The following MUC4 variants were observed in gnomAD, a reference collection of about 807,000 sequenced individuals.
MUC4 encodes mucin 4, cell surface associated.
In MUC4, 202 loss-of-function variants were observed where a neutral mutation model predicts 257.9. The observed-to-expected ratio is 0.78, with a 90% confidence interval of 0.70 to 0.88. The LOEUF (loss-of-function observed/expected upper bound fraction) is 0.88. Ranked by LOEUF, MUC4 falls within the 40% of genes least tolerant of loss-of-function variation. The pLI, the probability that MUC4 is intolerant of heterozygous loss-of-function variation, is 0.00. For missense variants in MUC4, 5,976 were observed against 6,513.7 expected, an observed-to-expected ratio of 0.92 and a Z score of 2.84; for synonymous variants, 2,351 against 2,757.1, an observed-to-expected ratio of 0.85 and a Z score of 4.62.
chr3:195,794,379 GAGAGAGAGAGAGAAGAA>G (rs1560409486), intron 1 of MUC4, among the ~76,000 whole-genome samples: 3 of 150,020 alleles, frequency 2.0e-5, no homozygotes, highest in Admixed American at 6.6e-5. Context: ...TATATAGAGA[GAGAGAGAGAGAGAAGAA>G]AGAGAGAGAG....
intron 13 of MUC4, 35 bp from the exon 14 acceptor site, chr3:195,762,289 G>A: frequency 6.5e-7 from 1 of 1,542,784 alleles, no homozygotes; most frequent in Non-Finnish European, 8.8e-7. Flanking sequence ...AGGAAGCCAG[G>A]TCGGCACCAC....
intron 3 of MUC4, 148 bp downstream of exon 3, chr3:195,778,155 G>T: frequency 1.9e-6 from 2 of 1,079,094 alleles, no homozygotes; most frequent in South Asian, 1.8e-5. Context: ...CACAAAGCCA[G>T]CCCTCAGGAG....
Position 195,769,151 on chromosome 3 carries a change from C to T in MUC4, c.13400G>A (p.Ser4467Asn). 1.2e-6 allele frequency: 2 copies of T among 1,613,980 alleles called. No homozygotes were observed. The highest frequency in any genetic ancestry group is 1.7e-6 in the Non-Finnish European group (2 of 1,179,952). Residue 4467 changes from serine (S) to asparagine (N), a missense_variant and splice_region_variant, in exon 7 of 25, where the codon AGC becomes AAC. This residue lies in a region of MUC4 where 996 missense variants were observed against 1,137.3 expected (regional missense o/e 0.88). Coordinates refer to ENST00000463781, the MANE Select transcript of MUC4 (RefSeq NM_018406.7). ...GGAGAGGATGGCTTGGTAGGTGTTG[C>T]TCTGGGGGTGGGTGGAAGAAAACAC... is the stretch of plus-strand genomic sequence containing the variant. ...HAYPAQWTLG[S>N]NTYQAILSTD...
rs1250495117 is a variant in MUC4, at chr3:195,781,290, A to T, written c.10290T>A (p.Thr3430=). The T allele has an allele frequency of 7.0e-7, 1 of 1,421,878 alleles. No individual in the cohort carries two copies. 88.1% of individuals were successfully genotyped at this position (1,421,878 alleles called of 1,614,324 possible). Residue 3430 remains threonine, a synonymous_variant, in exon 2 of 25, where the codon ACT becomes ACA. Transcript: ENST00000463781. Reference sequence around the variant, plus strand: ...TGGCGTGACCGGTGGATGCTGAGGAAGTGCTGGTGACAGGAAGAGGGGTGG... The same window carrying T: ...TGGCGTGACCGGTGGATGCTGAGGATGTGCTGGTGACAGGAAGAGGGGTGG... ...GHATPLPVTS[T]SSASTGHATP...
At chr3:195,771,045 G>A (rs534264047) in intron 5 of MUC4, among the ~76,000 whole-genome samples, 5 of 148,248 alleles carry the variant, frequency 3.4e-5, no homozygotes, top group South Asian at 4.3e-4. Flanking sequence ...GGTCAGTCTC[G>A]TGGTTGGGTT....
At position 195,747,022 on chromosome 3, in the gene MUC4, T is replaced by C; in HGVS notation, c.*154A>G. The stretch of plus-strand genomic sequence containing the variant: ...TGCACCTGCGCCTATGGATAAGGTA[T>C]AGTCTTGTCTTGATTCCCAGTATTC... On this transcript the variant is annotated 3_prime_UTR_variant, in exon 25 of 25. Coordinates refer to ENST00000463781, the MANE Select transcript of MUC4 (RefSeq NM_018406.7). 1.8e-6 allele frequency: 2 copies of C among 1,100,158 alleles called. No individual in the cohort carries two copies. The highest frequency in any genetic ancestry group is 2.6e-6 in the Non-Finnish European group (2 of 758,454). The allele number at this position is 1,100,158 out of a possible 1,614,324, so 68.1% of individuals were successfully genotyped here.
intron 7 of MUC4, among the ~76,000 whole-genome samples, chr3:195,767,849 GCCACCATCACCCCCAACACCA>G (rs1233210365): frequency 5.7e-5 from 3 of 52,872 alleles, no homozygotes; most frequent in African/African-American, 1.8e-4. Context: ...CACCACCATC[GCCACCATCACCCCCAACACCA>G]CCACCATCAC....
Position 195,748,992 on chromosome 3 carries a change from TGG to T in MUC4, c.15942_15943del (p.Gln5315GlufsTer11), listed in dbSNP as rs752464344. On this transcript the variant is annotated frameshift_variant, in exon 24 of 25. Transcript: ENST00000463781. LOFTEE classifies it high-confidence loss of function. The stretch of plus-strand genomic sequence containing the variant: ...CGGGGACACGCAGGTGAAGCCGCTC[TGG>T]GGGCTGTAGACCAGGTCGTAGCCCT... The T allele has an allele frequency of 1.2e-6, 2 of 1,610,082 alleles. No homozygotes were observed. The highest frequency in any genetic ancestry group is 2.2e-5 in the South Asian group (2 of 90,122).
intron 3 of MUC4, among the ~76,000 whole-genome samples, chr3:195,778,056 C>G (rs1348082530): frequency 6.6e-6 from 1 of 152,214 alleles, no homozygotes; most frequent in African/African-American, 2.4e-5. Flanking sequence ...GATGAGTCCT[C>G]TAACCGCCGC....
intron 20 of MUC4, 52 bp from the exon 21 acceptor site, chr3:195,752,498 A>G: frequency 6.5e-7 from 1 of 1,534,600 alleles, no homozygotes; most frequent in South Asian, 1.1e-5. Context: ...ACCCAGACTT[A>G]CCCAAAAAGT....
Position 195,784,972 on chromosome 3 carries a change from G to T in MUC4, c.6608C>A (p.Thr2203Lys). The T allele has an allele frequency of 1.6e-6, 2 of 1,280,034 alleles. No individual in the cohort carries two copies. Among genetic ancestry groups the T allele is most frequent in the Middle Eastern group, 2.0e-4 (1 of 5,118 alleles). 79.3% of individuals were successfully genotyped at this position (1,280,034 alleles called of 1,614,324 possible). Residue 2203 changes from threonine to lysine, a missense_variant, in exon 2 of 25, where the codon ACA becomes AAA. By Grantham distance (78) the Thr-to-Lys change is moderately conservative. This residue lies in a region of MUC4 where 85 missense variants were observed against 325.0 expected (regional missense o/e 0.26). Transcript: ENST00000463781. ...LPVTDTSSASTGQATPLPVTS... is the reference protein window; with the variant it reads ...LPVTDTSSASKGQATPLPVTS... ...GACAGGAAGAGGGGTGGCCTGACCTGTGGATGCTGAGGAAGTGTCGGTGAC... is the reference window on the plus strand; with the variant it reads ...GACAGGAAGAGGGGTGGCCTGACCTTTGGATGCTGAGGAAGTGTCGGTGAC...
chr3:195,770,345 G>T lies in MUC4; in HGVS notation c.13269C>A (p.His4423Gln). 1 of 1,613,974 alleles carries T rather than the reference G, an allele frequency of 6.2e-7. No individual in the cohort carries two copies. Among genetic ancestry groups the T allele is most frequent in the Non-Finnish European group, 8.5e-7 (1 of 1,179,980 alleles). Residue 4423 changes from histidine (H) to glutamine (Q), a missense_variant, in exon 6 of 25, where the codon CAC becomes CAA. His to Gln is a conservative substitution (Grantham distance 24). Around this residue, in one of 44 missense-constraint regions of MUC4, gnomAD observed 996 missense variants for 1,137.3 expected, o/e 0.88. Transcript: ENST00000463781. ...YQEYETFYGE[H>Q]SLLVQQAESW... is the part of the protein sequence containing the mutation. Reference sequence around the variant, plus strand: ...ACTCGGCCTGCTGGACTAGCAGGCTGTGTTCACCATAGAACGTCTCGTATT... The same window carrying T: ...ACTCGGCCTGCTGGACTAGCAGGCTTTGTTCACCATAGAACGTCTCGTATT...
intron 1 of MUC4, among the ~76,000 whole-genome samples, chr3:195,804,771 G>C (rs148418166): frequency 1.3e-5 from 2 of 152,376 alleles, no homozygotes; most frequent in African/African-American, 2.4e-5. Flanking sequence ...ACGCTGAACC[G>C]CTGGCCCCAC....
chr3:195,771,014 T>C (rs112600584), intron 5 of MUC4: 3,043 of 156,978 alleles, frequency 0.019, 40 homozygotes, highest in African/African-American at 0.079. Flanking sequence ...GTCAGTCTCG[T>C]GGTTGGGTTG....
chr3:195,760,193 A>AT (rs1481888586), intron 16 of MUC4, among the ~76,000 whole-genome samples: 1 of 152,242 alleles, frequency 6.6e-6, no homozygotes, highest in African/African-American at 2.4e-5. Flanking sequence ...TTGAGTAATT[A>AT]TAAATGCTAA....
intron 24 of MUC4, among the ~76,000 whole-genome samples, chr3:195,747,734 C>T (rs1715345610): frequency 2.0e-5 from 3 of 152,366 alleles, no homozygotes; most frequent in South Asian, 2.1e-4. Flanking sequence ...CGTGGTGGTG[C>T]GCACCTGTAA....
Position 195,780,319 on chromosome 3 carries a change from G to A in MUC4, c.11261C>T (p.Ser3754Phe). Residue 3754 changes from serine (S) to phenylalanine (F), a missense_variant, in exon 2 of 25, where the codon TCC becomes TTC. Physicochemically the swap from Ser to Phe is radical, Grantham distance 155 (BLOSUM62 -2). Around this residue, in one of 44 missense-constraint regions of MUC4, gnomAD observed 330 missense variants for 262.0 expected, o/e 1.26. Coordinates refer to ENST00000463781, the MANE Select transcript of MUC4 (RefSeq NM_018406.7). Reference sequence around the variant, plus strand: ...AAGAAGAGGGGTGGCGTGACCTGTGGATGCTGAGGAAGTGCTGGTGACAGG... The same window carrying A: ...AAGAAGAGGGGTGGCGTGACCTGTGAATGCTGAGGAAGTGCTGGTGACAGG... Reference protein sequence around the residue: ...PLPVTSTSSASTGHATPLLVT... With the variant: ...PLPVTSTSSAFTGHATPLLVT... 1 of 1,527,568 alleles carries A rather than the reference G, an allele frequency of 6.5e-7. No homozygotes were observed. The highest frequency in any genetic ancestry group is 8.8e-7 in the Non-Finnish European group (1 of 1,130,288). 94.6% of individuals were successfully genotyped at this position (1,527,568 alleles called of 1,614,324 possible).
chr3:195,779,766 AGG>A lies in MUC4; in HGVS notation c.11812_11813del (p.Pro3938CysfsTer11). 1 of 1,168,240 alleles carries A rather than the reference AGG, an allele frequency of 8.6e-7. No individual in the cohort carries two copies. The allele number at this position is 1,168,240 out of a possible 1,614,324, so 72.4% of individuals were successfully genotyped here. A position where few individuals can be genotyped will look rare whatever the true frequency, so the allele number is the denominator to read the frequency against. On this transcript the variant is annotated frameshift_variant, in exon 2 of 25. Coordinates refer to ENST00000463781, the MANE Select transcript of MUC4 (RefSeq NM_018406.7). LOFTEE classifies it high-confidence loss of function. ...SASTGHATPL[P>X]VTSTSSASTG... is the part of the protein sequence containing the mutation. The stretch of plus-strand genomic sequence containing the variant: ...TGGATGCTGAGGAAGTGCTGGTGAC[AGG>A]AAGAGGGGTGGCATGTCCTGTGGAT...
At chr3:195,769,442 T>G (rs969195324) in intron 6 of MUC4, 5 of 369,624 alleles carry the variant, frequency 1.4e-5, no homozygotes, top group Non-Finnish European at 2.5e-5. Flanking sequence ...GAGTGTTTGT[T>G]AGAGAAAGCT....
Sources: allele counts gnomAD v4.1 joint callset (sites outside exome capture counted in the v4.1 genomes callset), GRCh38; gene constraint gnomAD v4.1.1; regional missense constraint gnomAD v4.1.1; transcripts MANE v1.5; gene names NCBI Gene and HGNC (gene_info 2026-07-23, HGNC 2026-07-21).